CRACD: variants seen among roughly 807,000 people sequenced by gnomAD.
CRACD encodes the protein capping protein inhibiting regulator of actin dynamics, also known as capping protein-inhibiting regulator of actin dynamics.
CRACD carries 56 observed loss-of-function variants against 106.8 expected under a neutral mutation model. The ratio of observed to expected loss-of-function variants is 0.52; its 90% CI spans 0.42 to 0.66. CRACD has a LOEUF of 0.66. CRACD is among the 30% of genes least tolerant of loss of function. The probability of loss-of-function intolerance (pLI) is 0.00; values close to 1 mark genes in which losing one functional copy is unlikely to be tolerated. For missense variants in CRACD, 1,730 were observed against 1,623.2 expected (o/e 1.07, Z -1.13); for synonymous variants, 754 against 670.8 (o/e 1.12, Z -1.92).
chr4:56,119,258 A>G (rs1207690108), intron 1 of CRACD, among the ~76,000 whole-genome samples: 1 of 152,234 alleles, frequency 6.6e-6, no homozygotes, highest in Non-Finnish European at 1.5e-5. Flanking sequence ...AGAAAGTTTT[A>G]GACTTTTTAC....
At chr4:56,244,995 A>C (rs1740603985) in intron 2 of CRACD, among the ~76,000 whole-genome samples, 6 of 152,064 alleles carry the variant, frequency 3.9e-5, no homozygotes, top group Admixed American at 3.9e-4. Context: ...TCTCACCTTC[A>C]TTTCTTTGTG....
chr4:56,110,989 CAG>C (rs948330467), intron 1 of CRACD, among the ~76,000 whole-genome samples: 5 of 152,098 alleles, frequency 3.3e-5, no homozygotes, highest in African/African-American at 1.2e-4. Context: ...ATTAGTCACT[CAG>C]GGTGCAGTTT....
intron 2 of CRACD, among the ~76,000 whole-genome samples, chr4:56,263,376 A>G (rs909148605): frequency 3.3e-5 from 5 of 152,230 alleles, no homozygotes; most frequent in African/African-American, 9.6e-5. Flanking sequence ...GGCTGCCATA[A>G]CAAAGTACCA....
At chr4:56,312,354 G>A (rs141626351) in intron 6 of CRACD, among the ~76,000 whole-genome samples, 45 of 152,150 alleles carry the variant, frequency 3.0e-4, no homozygotes, top group African/African-American at 1.0e-3. Flanking sequence ...GTAGAGATGG[G>A]GTTTTGCCAT....
At position 56,314,001 on chromosome 4, in the gene CRACD, A is replaced by G. The variant is rs1375442105; in HGVS notation, c.538-39A>G. Reference sequence around the variant, plus strand: ...GGAAAAGGAACGACTGTGGGTGGAGAAAGCAAAAGGCTAATTGTGTTTTCC... The same window carrying G: ...GGAAAAGGAACGACTGTGGGTGGAGGAAGCAAAAGGCTAATTGTGTTTTCC... On this transcript the variant is annotated intron_variant, in intron 7 of 10. Transcript: ENST00000682029. This position sits in a 1 kb window ranked among gnomAD's most constrained non-coding sequence, Gnocchi z 4.4. 6.3e-7 allele frequency: 1 copy of G among 1,585,748 alleles called. No homozygotes were observed. The highest frequency in any genetic ancestry group is 1.4e-5 in the African/African-American group (1 of 73,732).
intron 1 of CRACD, among the ~76,000 whole-genome samples, chr4:56,063,442 G>A (rs934760180): frequency 1.2e-4 from 18 of 152,148 alleles, no homozygotes; most frequent in African/African-American, 4.3e-4. Context: ...TTGGCATTAA[G>A]TACATTCACA....
At chr4:56,275,939 G>A (rs1403904311) in intron 3 of CRACD, among the ~76,000 whole-genome samples, 1 of 152,178 alleles carries the variant, frequency 6.6e-6, no homozygotes, top group African/African-American at 2.4e-5. Flanking sequence ...GGAATTGAAG[G>A]GAGCTGAACT....
chr4:56,186,773 G>T (rs1335586981), intron 2 of CRACD, among the ~76,000 whole-genome samples: 1 of 152,148 alleles, frequency 6.6e-6, no homozygotes, highest in Non-Finnish European at 1.5e-5. Flanking sequence ...GCTTCTAAAA[G>T]CCAGGGGGCC....
chr4:56,172,489 T>C (rs908787494), intron 1 of CRACD, among the ~76,000 whole-genome samples: 8 of 152,172 alleles, frequency 5.3e-5, no homozygotes, highest in African/African-American at 1.9e-4. Context: ...TGAGACAGAG[T>C]TTCGCTCTTG....
chr4:56,328,357 A>G lies in CRACD; in HGVS notation c.*553A>G, dbSNP rs952206981. 7.7e-6 allele frequency: 4 copies of G among 518,842 alleles called. No individual in the cohort carries two copies. Among genetic ancestry groups the G allele is most frequent in the Non-Finnish European group, 1.2e-5 (3 of 259,876 alleles). 32.1% of individuals were successfully genotyped at this position (518,842 alleles called of 1,614,324 possible). A position where few individuals can be genotyped will look rare whatever the true frequency, so the allele number is the denominator to read the frequency against. ...AACATTCTGGCACCCAACTGTGCCCATCTTAGTTTTCATGAGTTTTCCCCA... is the reference window on the plus strand; with the variant it reads ...AACATTCTGGCACCCAACTGTGCCCGTCTTAGTTTTCATGAGTTTTCCCCA... On this transcript the variant is annotated 3_prime_UTR_variant, in exon 11 of 11. Transcript: ENST00000682029.
intron 2 of CRACD, among the ~76,000 whole-genome samples, chr4:56,185,809 C>G (rs1197016057): frequency 6.6e-6 from 1 of 152,302 alleles, no homozygotes; most frequent in South Asian, 2.1e-4. Flanking sequence ...GTCTGAACTT[C>G]AGTTTATCCC....
At chr4:56,129,379 G>A (rs1347439052) in intron 1 of CRACD, among the ~76,000 whole-genome samples, 1 of 152,156 alleles carries the variant, frequency 6.6e-6, no homozygotes, top group African/African-American at 2.4e-5. Flanking sequence ...ATTTTTTCTT[G>A]TAATTTTCAT....
At chr4:56,280,876 G>T (rs117938) in intron 3 of CRACD, among the ~76,000 whole-genome samples, 71,771 of 152,012 alleles carry the variant, frequency 0.47, 17,877 homozygotes, top group African/African-American at 0.64. Context: ...ACCTTGCTGC[G>T]TTTCAGAGGA....
intron 2 of CRACD, among the ~76,000 whole-genome samples, chr4:56,230,446 C>G (rs1343465499): frequency 1.3e-5 from 2 of 152,116 alleles, no homozygotes; most frequent in Non-Finnish European, 2.9e-5. Context: ...CGGTGGAGGA[C>G]ACAAGAGACA....
intron 9 of CRACD, among the ~76,000 whole-genome samples, chr4:56,323,790 G>A (rs141202480): frequency 6.6e-6 from 1 of 152,328 alleles, no homozygotes; most frequent in African/African-American, 2.4e-5. Flanking sequence ...CATAATCCAC[G>A]ATACGCTTAC....
At chr4:56,227,243 T>C (rs1739350635) in intron 2 of CRACD, among the ~76,000 whole-genome samples, 2 of 152,184 alleles carry the variant, frequency 1.3e-5, no homozygotes, top group Admixed American at 6.5e-5. Flanking sequence ...GTGACTATTA[T>C]ATAAAGAACT....
At chr4:56,096,220 G>C (rs767396325) in intron 1 of CRACD, among the ~76,000 whole-genome samples, 4 of 152,172 alleles carry the variant, frequency 2.6e-5, no homozygotes, top group African/African-American at 9.7e-5. Flanking sequence ...TCAGTATATA[G>C]TTGATATTTA....
intron 2 of CRACD, among the ~76,000 whole-genome samples, chr4:56,187,080 A>C (rs1014982561): frequency 5.3e-5 from 8 of 152,108 alleles, no homozygotes; most frequent in Admixed American, 1.3e-4. Flanking sequence ...GAAAAAAAAA[A>C]AACAACCAGA....
intron 1 of CRACD, among the ~76,000 whole-genome samples, chr4:56,157,210 G>GT (rs1230467261): frequency 6.6e-6 from 1 of 152,224 alleles, no homozygotes; most frequent in African/African-American, 2.4e-5. Context: ...CAAAGGGCCT[G>GT]TAATCCCAGC....
Sources: allele counts gnomAD v4.1 joint callset (sites outside exome capture counted in the v4.1 genomes callset), GRCh38; gene constraint gnomAD v4.1.1; non-coding constraint Gnocchi (gnomAD v3.1); transcripts MANE v1.5; gene names NCBI Gene and HGNC (gene_info 2026-07-23, HGNC 2026-07-21).